Variants in ATRNL1 observed in about 807,000 individuals in gnomAD.
ATRNL1 encodes attractin like 1.
ATRNL1 carries 95 observed loss-of-function variants against 182.7 expected under a neutral mutation model. The ratio of observed to expected loss-of-function variants is 0.52; its 90% CI spans 0.44 to 0.62. The LOEUF (loss-of-function observed/expected upper bound fraction) is 0.62, where lower values mean the gene tolerates loss of function less well. Ranked by LOEUF, ATRNL1 falls within the 20% of genes least tolerant of loss-of-function variation. The pLI, the probability that ATRNL1 is intolerant of heterozygous loss-of-function variation, is 0.00. For synonymous variants in ATRNL1, 576 were observed against 568.3 expected, an observed-to-expected ratio of 1.01 and a Z score of -0.19; for missense variants, 1,471 against 1,679.5, an observed-to-expected ratio of 0.88 and a Z score of 2.17.
intron 27 of ATRNL1, among the ~76,000 whole-genome samples, chr10:115,736,430 C>G (rs1947953077): frequency 6.6e-6 from 1 of 151,818 alleles, no homozygotes; most frequent in East Asian, 1.9e-4. Context: ...TTTTGAAAGT[C>G]TCTTCTTCCT....
At chr10:115,160,330 T>A in intron 6 of ATRNL1, 116 bp downstream of exon 6, 1 of 870,964 alleles carries the variant, frequency 1.1e-6, no homozygotes, top group East Asian at 2.5e-5. Flanking sequence ...GTAGTGTCTA[T>A]TTGCTAGTGA....
At chr10:115,296,795 T>C (rs1413727551) in intron 15 of ATRNL1, among the ~76,000 whole-genome samples, 2 of 152,320 alleles carry the variant, frequency 1.3e-5, no homozygotes, top group East Asian at 3.9e-4. Context: ...TATTTTTCTG[T>C]GAAGGATAGA....
In ATRNL1 at chr10:115,636,420, ATGTAC is replaced by A. The variant is rs1260333463; in HGVS notation, c.3795+86889_3795+86893del. On this transcript the variant is annotated intron_variant, in intron 26 of 28. Transcript: ENST00000355044. Reference sequence around the variant, plus strand: ...CCAGTGGGAGCTGCAGAGGCACCAAATGTACTGTAAGACCAACATAAGATCGCAAA... The same window carrying A: ...CCAGTGGGAGCTGCAGAGGCACCAAATGTAAGACCAACATAAGATCGCAAA... Among the ~76,000 whole-genome samples the A allele has an allele frequency of 4.6e-4, 70 of 152,180 alleles. 1 individual carries two copies. Among genetic ancestry groups the A allele is most frequent in the Non-Finnish European group, 1.6e-4 (11 of 68,026 alleles).
At chr10:115,702,177 C>A (rs1555051705) in intron 26 of ATRNL1, among the ~76,000 whole-genome samples, 1 of 151,796 alleles carries the variant, frequency 6.6e-6, no homozygotes, top group Admixed American at 6.6e-5. Flanking sequence ...AGTTTATGAT[C>A]ATCTCAATAG....
intron 28 of ATRNL1, among the ~76,000 whole-genome samples, chr10:115,928,769 T>G (rs1237184686): frequency 6.6e-6 from 1 of 152,002 alleles, no homozygotes; most frequent in South Asian, 2.1e-4. Context: ...AGTATACATA[T>G]GATAAAATAT....
chr10:115,569,924 T>G (rs1854293482), intron 26 of ATRNL1, among the ~76,000 whole-genome samples: 1 of 152,124 alleles, frequency 6.6e-6, no homozygotes, highest in Non-Finnish European at 1.5e-5. Context: ...AGATTTGGTG[T>G]CTGGCGAGGG....
At chr10:115,308,943 A>G (rs928168485) in intron 17 of ATRNL1, among the ~76,000 whole-genome samples, 4 of 152,030 alleles carry the variant, frequency 2.6e-5, no homozygotes, top group Non-Finnish European at 4.4e-5. Flanking sequence ...ATGGTGAGAG[A>G]CATAGATTCA....
At chr10:115,688,562 G>T (rs958788032) in intron 26 of ATRNL1, among the ~76,000 whole-genome samples, 7 of 152,096 alleles carry the variant, frequency 4.6e-5, no homozygotes, top group African/African-American at 1.7e-4. Flanking sequence ...CTGATGATTA[G>T]TGACGTTGGG....
intron 19 of ATRNL1, among the ~76,000 whole-genome samples, chr10:115,369,013 C>T (rs548651396): frequency 7.9e-5 from 12 of 151,980 alleles, no homozygotes; most frequent in East Asian, 3.9e-4. Flanking sequence ...TGCGCCCAGC[C>T]GTAAATTTGA....
At chr10:115,530,626 CTTT>C (rs537163719) in intron 25 of ATRNL1, among the ~76,000 whole-genome samples, 1 of 151,550 alleles carries the variant, frequency 6.6e-6, no homozygotes, top group Middle Eastern at 3.2e-3. Flanking sequence ...AAAAATAAGA[CTTT>C]TTATTATTAT....
At chr10:115,793,502 A>G (rs1949577563) in intron 27 of ATRNL1, among the ~76,000 whole-genome samples, 1 of 98,570 alleles carries the variant, frequency 1.0e-5, no homozygotes, top group Non-Finnish European at 2.0e-5. Context: ...TATTAATACC[A>G]TGGATTTTAT....
chr10:115,262,863 A>G (rs1389777067), intron 10 of ATRNL1, among the ~76,000 whole-genome samples: 2 of 152,048 alleles, frequency 1.3e-5, no homozygotes, highest in African/African-American at 4.8e-5. Flanking sequence ...TGATAGAACT[A>G]CATGTTGTAG....
rs191192527 is a variant in ATRNL1, at chr10:115,451,790, A to G, written c.3323-10151A>G. Among the ~76,000 whole-genome samples, 168 of 152,232 alleles carry G rather than the reference A, an allele frequency of 1.1e-3. 2 individuals carry two copies. In the East Asian group the frequency reaches 0.013, roughly 11 times the overall value. On this transcript the variant is annotated intron_variant, in intron 21 of 28. Transcript: ENST00000355044. ...TACCCAGAGGAGTATAAATCATTCTACCATAAAGACACGTGCACACAAATG... is the reference window on the plus strand; with the variant it reads ...TACCCAGAGGAGTATAAATCATTCTGCCATAAAGACACGTGCACACAAATG...
intron 26 of ATRNL1, among the ~76,000 whole-genome samples, chr10:115,692,399 G>A (rs1307675894): frequency 6.6e-6 from 1 of 151,986 alleles, no homozygotes; most frequent in Non-Finnish European, 1.5e-5. Flanking sequence ...ATATATCACT[G>A]AAAGCATACA....
chr10:115,162,732 A>G (rs1420548055), intron 6 of ATRNL1, among the ~76,000 whole-genome samples: 1 of 150,618 alleles, frequency 6.6e-6, no homozygotes, highest in Non-Finnish European at 1.5e-5. Context: ...GAGGCACCAT[A>G]TCACTAAGAG....
intron 5 of ATRNL1, among the ~76,000 whole-genome samples, chr10:115,137,999 A>G (rs947600370): frequency 9.2e-5 from 14 of 152,316 alleles, no homozygotes; most frequent in Non-Finnish European, 1.8e-4. Context: ...GCCATTCCAA[A>G]TGGGAGAAAT....
At chr10:115,923,256 G>A (rs1470834628) in intron 28 of ATRNL1, among the ~76,000 whole-genome samples, 2 of 152,130 alleles carry the variant, frequency 1.3e-5, no homozygotes, top group African/African-American at 4.8e-5. Flanking sequence ...ATATATGTAT[G>A]TAGTAGATCA....
At chr10:115,561,397 T>G (rs1252033365) in intron 26 of ATRNL1, among the ~76,000 whole-genome samples, 4 of 152,162 alleles carry the variant, frequency 2.6e-5, no homozygotes, top group Non-Finnish European at 5.9e-5. Context: ...TTTCCACATC[T>G]GTGGATTCAC....
At chr10:115,209,171 C>T (rs1196992222) in intron 8 of ATRNL1, among the ~76,000 whole-genome samples, 1 of 151,606 alleles carries the variant, frequency 6.6e-6, no homozygotes, top group Non-Finnish European at 1.5e-5. Context: ...TGTTGGATAA[C>T]AAGCAGAAGT....
Sources: allele counts gnomAD v4.1 joint callset (sites outside exome capture counted in the v4.1 genomes callset), GRCh38; gene constraint gnomAD v4.1.1; transcripts MANE v1.5; gene names NCBI Gene and HGNC (gene_info 2026-07-23, HGNC 2026-07-21).